COL23A1: variants seen among roughly 807,000 people sequenced by gnomAD.
COL23A1 encodes the protein collagen alpha-1(XXIII) chain.
COL23A1 carries 97 observed loss-of-function variants against 99.3 expected under a neutral mutation model. The ratio of observed to expected loss-of-function variants is 0.98; its 90% confidence interval spans 0.83 to 1.16. The LOEUF is 1.16. Ranked by LOEUF, COL23A1 falls within the 50% of genes most tolerant of loss-of-function variation. The pLI is 0.00. For synonymous variants in COL23A1, 320 were observed against 308.2 expected (o/e 1.04, Z -0.40); for missense variants, 762 against 757.4 (o/e 1.01, Z -0.07).
intron 2 of COL23A1, among the ~76,000 whole-genome samples, chr5:178,335,158 C>G (rs1760251717): frequency 6.6e-6 from 1 of 152,158 alleles, no homozygotes; most frequent in African/African-American, 2.4e-5. Flanking sequence ...ACCAAGGAGG[C>G]GTGTTCAGCA....
At chr5:178,476,062 T>C (rs1240749800) in intron 2 of COL23A1, among the ~76,000 whole-genome samples, 1 of 152,204 alleles carries the variant, frequency 6.6e-6, no homozygotes, top group Non-Finnish European at 1.5e-5. Context: ...CAACAGTGAC[T>C]CCATCTTGGA....
At chr5:178,553,169 T>TG (rs1762098439) in intron 2 of COL23A1, among the ~76,000 whole-genome samples, 2 of 135,070 alleles carry the variant, frequency 1.5e-5, no homozygotes, top group Non-Finnish European at 3.1e-5. Flanking sequence ...GATCCTATCT[T>TG]AAAAAAAAAA....
At chr5:178,327,027 T>C (rs1005062423) in intron 2 of COL23A1, among the ~76,000 whole-genome samples, 8 of 152,226 alleles carry the variant, frequency 5.3e-5, no homozygotes, top group Admixed American at 1.3e-4. Flanking sequence ...CAAAAATGAC[T>C]CAATTCTTAT....
chr5:178,279,382 G>A (rs957625134), intron 5 of COL23A1, among the ~76,000 whole-genome samples: 2 of 152,214 alleles, frequency 1.3e-5, no homozygotes, highest in African/African-American at 4.8e-5. Context: ...CTTCCTGACC[G>A]GAGGATGTGC....
intron 2 of COL23A1, among the ~76,000 whole-genome samples, chr5:178,451,887 T>C (rs1561983938): frequency 6.6e-6 from 1 of 152,062 alleles, no homozygotes; most frequent in Non-Finnish European, 1.5e-5. Context: ...ACAGTGGAGA[T>C]GCATTTCATG....
At position 178,265,583 on chromosome 5, in the gene COL23A1, C is replaced by T. The variant is rs1755836744; in HGVS notation, c.522+1724G>A. 2.6e-6 allele frequency: 2 copies of T among 755,400 alleles called. 1 individual carries two copies. Among genetic ancestry groups the T allele is most frequent in the Admixed American group, 1.2e-4 (2 of 16,002 alleles). The allele number at this position is 755,400 out of a possible 1,614,324, so 46.8% of individuals were successfully genotyped here. A position where few individuals can be genotyped will look rare whatever the true frequency, so the allele number is the denominator to read the frequency against. On this transcript the variant is annotated intron_variant, in intron 8 of 28. Coordinates refer to ENST00000390654, the MANE Select transcript of COL23A1 (RefSeq NM_173465.4). ...AGGGATTGGATGGCTGAGGTCTAAC[C>T]CTGCAAACGTGGGGTGAGTTGGGGG...
intron 2 of COL23A1, among the ~76,000 whole-genome samples, chr5:178,324,594 C>T (rs1465624084): frequency 6.6e-6 from 1 of 152,196 alleles, no homozygotes; most frequent in Admixed American, 6.5e-5. Flanking sequence ...CAGGCAGAAG[C>T]CACCACCTTC....
chr5:178,298,149 C>G (rs888131187), intron 3 of COL23A1, among the ~76,000 whole-genome samples: 9 of 152,170 alleles, frequency 5.9e-5, no homozygotes, highest in Non-Finnish European at 1.0e-4. Flanking sequence ...TCAGTAAAAG[C>G]CAGATGACCT....
At chr5:178,450,409 C>T (rs1767421061) in intron 2 of COL23A1, among the ~76,000 whole-genome samples, 1 of 152,178 alleles carries the variant, frequency 6.6e-6, no homozygotes, top group East Asian at 1.9e-4. Flanking sequence ...CCTTTCCTTT[C>T]TTGCTTCCTG....
At chr5:178,565,595 G>A (rs973286950) in intron 1 of COL23A1, among the ~76,000 whole-genome samples, 3 of 152,078 alleles carry the variant, frequency 2.0e-5, no homozygotes, top group African/African-American at 7.2e-5. Context: ...TATCAAGACT[G>A]GATTACATAT....
chr5:178,253,936 G>A (rs1488224052), intron 16 of COL23A1, among the ~76,000 whole-genome samples: 1 of 151,698 alleles, frequency 6.6e-6, no homozygotes, highest in Non-Finnish European at 1.5e-5. Context: ...GGCTGAGGTG[G>A]CAGGATCACT....
chr5:178,451,035 T>C (rs1485561102), intron 2 of COL23A1, among the ~76,000 whole-genome samples: 12 of 152,250 alleles, frequency 7.9e-5, no homozygotes. Flanking sequence ...GGTCTCTATG[T>C]TATTAAAACT....
intron 2 of COL23A1, among the ~76,000 whole-genome samples, chr5:178,463,137 C>T (rs576872955): frequency 6.6e-6 from 1 of 152,316 alleles, no homozygotes; most frequent in Admixed American, 6.5e-5. Context: ...TTCAGCAGCA[C>T]GGATGGGCTT....
At chr5:178,311,590 C>T (rs1312150122) in intron 2 of COL23A1, among the ~76,000 whole-genome samples, 1 of 151,998 alleles carries the variant, frequency 6.6e-6, no homozygotes, top group Non-Finnish European at 1.5e-5. Flanking sequence ...CAGGGTCTCA[C>T]TCTGTCACCC....
intron 2 of COL23A1, among the ~76,000 whole-genome samples, chr5:178,545,948 G>A (rs1761554970): frequency 6.6e-6 from 1 of 152,152 alleles, no homozygotes; most frequent in African/African-American, 2.4e-5. Flanking sequence ...CAAGGAGTTG[G>A]AGAGTTTTAA....
At chr5:178,484,865 T>G (rs1408061274) in intron 2 of COL23A1, among the ~76,000 whole-genome samples, 2 of 143,446 alleles carry the variant, frequency 1.4e-5, no homozygotes, top group African/African-American at 5.1e-5. Flanking sequence ...CCAGACACAA[T>G]GGTTTCTTTC....
rs993397254 is a variant in COL23A1, at chr5:178,242,469, T to A, written c.1441-75A>T. Reference sequence around the variant, plus strand: ...CCCTCTGTTACCGGCTCATCTCTGTTCCTCTCCCATCCACACGCCCACTTT... The same window carrying A: ...CCCTCTGTTACCGGCTCATCTCTGTACCTCTCCCATCCACACGCCCACTTT... On this transcript the variant is annotated intron_variant, in intron 25 of 28. Transcript: ENST00000390654. The A allele has an allele frequency of 2.7e-6, 4 of 1,457,036 alleles. No individual in the cohort carries two copies. The African/African-American group carries it at 4.2e-5, about 15-fold the overall frequency. 90.3% of individuals were successfully genotyped at this position (1,457,036 alleles called of 1,614,324 possible).
In COL23A1 at chr5:178,579,579, G is replaced by A. The variant is rs553661114; in HGVS notation, c.294+10325C>T. 1.1e-4 allele frequency among the ~76,000 whole-genome samples: 17 copies of A among 152,156 alleles called. No individual in the cohort carries two copies. The East Asian group carries it at 2.1e-3, about 19-fold the overall frequency. On this transcript the variant is annotated intron_variant, in intron 1 of 28. Transcript: ENST00000390654. ...AGAGATTCTCCTGCCTCAGCTTCCC[G>A]AGTAGCTCGGATTACAGACACCCAC... is the stretch of plus-strand genomic sequence containing the variant.
intron 5 of COL23A1, among the ~76,000 whole-genome samples, chr5:178,286,691 TC>T (rs1420251221): frequency 6.6e-6 from 1 of 152,098 alleles, no homozygotes; most frequent in African/African-American, 2.4e-5. Flanking sequence ...CCCAACTGGG[TC>T]CTGGGAGGAA....
Sources: gnomAD v4.1 joint callset for allele counts (sites outside exome capture counted in the v4.1 genomes callset) on GRCh38, gnomAD v4.1.1 for gene constraint, MANE v1.5 for transcripts, NCBI Gene and HGNC (gene_info 2026-07-23, HGNC 2026-07-21) for gene names.